The following SNX29 variants were observed in gnomAD, a reference collection of about 807,000 sequenced individuals.
The protein encoded by SNX29 is sorting nexin 29, also known as sorting nexin-29.
SNX29 carries 78 observed loss-of-function variants against 102.1 expected under a neutral mutation model. The ratio of observed to expected loss-of-function variants is 0.76; its 90% CI spans 0.64 to 0.92. SNX29 has a LOEUF of 0.92. Ranked by LOEUF, SNX29 falls within the 40% of genes least tolerant of loss-of-function variation. The probability of loss-of-function intolerance (pLI) is 0.00; values close to 1 mark genes in which losing one functional copy is unlikely to be tolerated. For synonymous variants in SNX29, 580 were observed against 414.5 expected (o/e 1.40, Z -4.85); for missense variants, 1,280 against 1,061.7 (o/e 1.21, Z -2.86).
intron 19 of SNX29, among the ~76,000 whole-genome samples, chr16:12,502,524 C>T (rs1414910986): frequency 1.3e-5 from 2 of 152,130 alleles, no homozygotes; most frequent in South Asian, 2.1e-4. Flanking sequence ...CTCTCATCAG[C>T]TTCCCCACGG....
chr16:12,172,686 A>C (rs551094578), intron 13 of SNX29, among the ~76,000 whole-genome samples: 149 of 152,370 alleles, frequency 9.8e-4, no homozygotes, highest in Non-Finnish European at 1.5e-3. Context: ...TGTCATTAAC[A>C]TGATATTATG....
intron 18 of SNX29, among the ~76,000 whole-genome samples, chr16:12,442,362 T>C (rs1173274458): frequency 6.6e-6 from 1 of 152,218 alleles, no homozygotes; most frequent in East Asian, 1.9e-4. Context: ...GTCTATTCAC[T>C]CTCCTAACCC....
At chr16:12,042,838 C>G in intron 4 of SNX29, 59 bp from the exon 5 acceptor site, 1 of 1,529,880 alleles carries the variant, frequency 6.5e-7, no homozygotes, top group African/African-American at 1.4e-5. Context: ...TTGTGTGTTC[C>G]TCTCCCAGTG....
chr16:12,287,760 G>A (rs1289837912), intron 15 of SNX29, among the ~76,000 whole-genome samples: 1 of 152,190 alleles, frequency 6.6e-6, no homozygotes, highest in Non-Finnish European at 1.5e-5. Context: ...CCTCGTGATT[G>A]GTGATGGATC....
chr16:11,982,069 A>G (rs554955452), intron 1 of SNX29, among the ~76,000 whole-genome samples: 37 of 152,156 alleles, frequency 2.4e-4, no homozygotes, highest in Non-Finnish European at 4.6e-4. Flanking sequence ...AGGGTGTAGA[A>G]TTATACCTAA....
chr16:12,037,740 C>T (rs2057516389), intron 4 of SNX29, among the ~76,000 whole-genome samples: 1 of 151,250 alleles, frequency 6.6e-6, no homozygotes, highest in Non-Finnish European at 1.5e-5. Flanking sequence ...TCATTTGATT[C>T]TAGGAGTTCA....
chr16:12,141,015 T>G (rs2054849562), intron 13 of SNX29, among the ~76,000 whole-genome samples: 1 of 152,218 alleles, frequency 6.6e-6, no homozygotes, highest in Non-Finnish European at 1.5e-5. Flanking sequence ...TACATATTGG[T>G]CTGGCGCAAC....
At chr16:12,173,872 C>T (rs979972803) in intron 13 of SNX29, among the ~76,000 whole-genome samples, 7 of 152,166 alleles carry the variant, frequency 4.6e-5, no homozygotes, top group Admixed American at 2.6e-4. Flanking sequence ...CTCTGCCTCC[C>T]GGCTTCAAGC....
chr16:12,279,541 C>T (rs553183122), intron 15 of SNX29, among the ~76,000 whole-genome samples: 2 of 152,306 alleles, frequency 1.3e-5, no homozygotes, highest in African/African-American at 4.8e-5. Flanking sequence ...CTCAGTGGGG[C>T]TGTGAGACTC....
At chr16:12,543,368 A>G (rs1380223897) in intron 20 of SNX29, among the ~76,000 whole-genome samples, 2 of 152,198 alleles carry the variant, frequency 1.3e-5, no homozygotes, top group Admixed American at 1.3e-4. Context: ...ACCTAAGCTC[A>G]TGGACTGAAC....
chr16:12,169,414 G>A (rs1295868387), intron 13 of SNX29, among the ~76,000 whole-genome samples: 3 of 152,312 alleles, frequency 2.0e-5, no homozygotes, highest in South Asian at 4.1e-4. Flanking sequence ...ACCCCAGGAG[G>A]CCATGTGGGT....
At chr16:12,030,210 T>C (rs1056871091) in intron 4 of SNX29, among the ~76,000 whole-genome samples, 6 of 152,236 alleles carry the variant, frequency 3.9e-5, no homozygotes, top group African/African-American at 1.4e-4. Context: ...TTGTTGGCTC[T>C]TGTTTCTATG....
intron 19 of SNX29, among the ~76,000 whole-genome samples, chr16:12,511,669 A>G (rs1479611016): frequency 6.6e-6 from 1 of 152,194 alleles, no homozygotes. Flanking sequence ...AACATTTAGC[A>G]GTTTAATGAT....
At chr16:12,376,773 C>T (rs1597140416) in intron 16 of SNX29, among the ~76,000 whole-genome samples, 1 of 147,708 alleles carries the variant, frequency 6.8e-6, no homozygotes, top group Non-Finnish European at 1.5e-5. Flanking sequence ...AATTCTATGG[C>T]AGGAGTTTCT....
chr16:12,403,678 C>G, intron 18 of SNX29, 149 bp downstream of exon 18: 4 of 765,424 alleles, frequency 5.2e-6, no homozygotes, highest in Non-Finnish European at 8.5e-6. Flanking sequence ...GCCCAGAGGC[C>G]TTGCCGAAGA....
intron 18 of SNX29, among the ~76,000 whole-genome samples, chr16:12,422,114 A>C (rs1184279554): frequency 6.6e-6 from 1 of 152,230 alleles, no homozygotes; most frequent in Non-Finnish European, 1.5e-5. Context: ...TTCTTAGGGA[A>C]ACTCATTTAA....
chr16:12,336,283 A>G (rs1489955693), intron 15 of SNX29, among the ~76,000 whole-genome samples: 2 of 151,956 alleles, frequency 1.3e-5, no homozygotes, highest in Non-Finnish European at 2.9e-5. Flanking sequence ...TTCAGAATAG[A>G]CTCTCTGCTC....
intron 14 of SNX29, among the ~76,000 whole-genome samples, chr16:12,200,197 C>G (rs2076878622): frequency 6.6e-6 from 1 of 152,106 alleles, no homozygotes; most frequent in Non-Finnish European, 1.5e-5. Flanking sequence ...AGCATAATGC[C>G]TACCATAGAA....
chr16:12,204,943 G>C (rs1482671362), intron 14 of SNX29, among the ~76,000 whole-genome samples: 1 of 151,796 alleles, frequency 6.6e-6, no homozygotes, highest in Admixed American at 6.6e-5. Context: ...CCACACCCAT[G>C]TGCGCTTTGT....
Sources: gnomAD v4.1 joint callset for allele counts (sites outside exome capture counted in the v4.1 genomes callset) on GRCh38, gnomAD v4.1.1 for gene constraint, MANE v1.5 for transcripts, NCBI Gene and HGNC (gene_info 2026-07-23, HGNC 2026-07-21) for gene names.